Variants in PIK3R6 observed in about 807,000 individuals in gnomAD.
The protein encoded by PIK3R6 is phosphoinositide 3-kinase regulatory subunit 6.
In PIK3R6, 91 loss-of-function variants were observed where a neutral mutation model predicts 84.9. That is an observed-to-expected ratio of 1.07 (90% CI 0.90 to 1.28). PIK3R6 has a LOEUF of 1.28. PIK3R6 is among the 50% of genes most tolerant of loss of function. The probability of loss-of-function intolerance (pLI) is 0.00; values close to 1 mark genes in which losing one functional copy is unlikely to be tolerated. For synonymous variants in PIK3R6, 416 were observed against 411.4 expected, an observed-to-expected ratio of 1.01 and a Z score of -0.13; for missense variants, 996 against 985.1, an observed-to-expected ratio of 1.01 and a Z score of -0.15.
intron 10 of PIK3R6, 85 bp from the exon 11 acceptor site, chr17:8,829,075 A>G: frequency 8.2e-7 from 1 of 1,217,376 alleles, no homozygotes; most frequent in Non-Finnish European, 1.1e-6. Flanking sequence ...TTCAGAGGAT[A>G]CACACACACA....
chr17:8,853,692 A>G (rs558473213), intron 1 of PIK3R6, among the ~76,000 whole-genome samples: 348 of 151,852 alleles, frequency 2.3e-3, no homozygotes, highest in Middle Eastern at 3.4e-3. Flanking sequence ...AGCCAGGCAC[A>G]GTGGCTCACA....
rs890098318 is a variant in PIK3R6, at chr17:8,811,175, G to A, written c.1996-7022C>T. On this transcript the variant is annotated intron_variant, in intron 18 of 19. Transcript: ENST00000619866. The stretch of plus-strand genomic sequence containing the variant: ...TGAAAGCTGCCAAGCCTTAGGGCTC[G>A]CACCCTCTAAAGCCATGGCCCGAGC... Among the ~76,000 whole-genome samples the A allele has an allele frequency of 6.8e-5, 10 of 147,222 alleles. 1 individual carries two copies. The highest frequency in any genetic ancestry group is 2.3e-4 in the African/African-American group (9 of 39,244).
chr17:8,829,546 A>AGACACACT (rs2088139370), intron 10 of PIK3R6, among the ~76,000 whole-genome samples, 160 bp downstream of exon 10: 1 of 149,122 alleles, frequency 6.7e-6, no homozygotes, highest in African/African-American at 2.5e-5. Flanking sequence ...GCATGCACAC[A>AGACACACT]GACACACACT....
At chr17:8,818,032 GA>G (rs1025628728) in intron 18 of PIK3R6, among the ~76,000 whole-genome samples, 17 of 152,130 alleles carry the variant, frequency 1.1e-4, no homozygotes, top group Non-Finnish European at 2.2e-4. Context: ...CAAACAGATA[GA>G]GAAGAGCCTG....
chr17:8,849,996 G>A (rs1458140551), intron 1 of PIK3R6, 111 bp from the exon 2 acceptor site: 3 of 526,668 alleles, frequency 5.7e-6, no homozygotes, highest in East Asian at 6.6e-5. Flanking sequence ...CTGGGGGGAA[G>A]TCTAGATGTA....
intron 1 of PIK3R6, among the ~76,000 whole-genome samples, chr17:8,852,838 A>G (rs904452169): frequency 1.3e-5 from 2 of 152,196 alleles, no homozygotes; most frequent in African/African-American, 2.4e-5. Context: ...CCAGTCATAC[A>G]TAGTTGGTGA....
At chr17:8,806,355 C>T (rs1448370757) in intron 18 of PIK3R6, among the ~76,000 whole-genome samples, 2 of 152,214 alleles carry the variant, frequency 1.3e-5, no homozygotes, top group Non-Finnish European at 2.9e-5. Context: ...CTAGGTGTCT[C>T]TGGCAGGATT....
chr17:8,804,268 G>A, intron 18 of PIK3R6, 115 bp from the exon 19 acceptor site: 2 of 804,216 alleles, frequency 2.5e-6, no homozygotes, highest in Admixed American at 4.2e-5. Flanking sequence ...GGGGTCCCCA[G>A]CTCTCCTCCT....
At chr17:8,860,803 T>G (rs1474044317) in intron 1 of PIK3R6, among the ~76,000 whole-genome samples, 1 of 152,106 alleles carries the variant, frequency 6.6e-6, no homozygotes, top group East Asian at 1.9e-4. Context: ...GTGTCCCTAT[T>G]GAGTTCACAA....
At position 8,803,921 on chromosome 17, in the gene PIK3R6, C is replaced by A. The variant is rs747137799; in HGVS notation, c.2108+120G>T. ...ATCCTCACCAAGGTTACCTGCCTGG[C>A]CACAGGATCTACCTCCGATGAGGTG... is the stretch of plus-strand genomic sequence containing the variant. On this transcript the variant is annotated intron_variant, in intron 19 of 19. Coordinates refer to ENST00000619866, the MANE Select transcript of PIK3R6 (RefSeq NM_001010855.4). The surrounding 1 kb of genome is among the most constrained non-coding windows in gnomAD (Gnocchi z 5.0). The A allele has an allele frequency of 2.3e-6, 2 of 853,894 alleles. No homozygotes were observed. The highest frequency in any genetic ancestry group is 1.6e-5 in the South Asian group (1 of 62,638). 52.9% of individuals were successfully genotyped at this position (853,894 alleles called of 1,614,324 possible).
At position 8,803,104 on chromosome 17, in the gene PIK3R6, C is replaced by A. The variant is rs1009709011; in HGVS notation, c.*169G>T. ...TCCGTAGACCTCCATGTGGGCCCTT[C>A]CTCATCACAGTCCCCAGGGTAGGCT... is the stretch of plus-strand genomic sequence containing the variant. On this transcript the variant is annotated 3_prime_UTR_variant, in exon 20 of 20. Coordinates refer to ENST00000619866, the MANE Select transcript of PIK3R6 (RefSeq NM_001010855.4). The surrounding 1 kb of genome is among the most constrained non-coding windows in gnomAD (Gnocchi z 5.0). 4 of 772,638 alleles carry A rather than the reference C, an allele frequency of 5.2e-6. No homozygotes were observed. In the Admixed American group the frequency reaches 1.2e-4, roughly 23 times the overall value. 47.9% of individuals were successfully genotyped at this position (772,638 alleles called of 1,614,324 possible). A position where few individuals can be genotyped will look rare whatever the true frequency, so the allele number is the denominator to read the frequency against.
At chr17:8,814,191 C>T (rs1309292066) in intron 18 of PIK3R6, among the ~76,000 whole-genome samples, 1 of 141,368 alleles carries the variant, frequency 7.1e-6, no homozygotes, top group African/African-American at 2.6e-5. Context: ...TTTTAGTGCT[C>T]CACTCTTTAG....
chr17:8,858,100 C>A (rs2089185969), intron 1 of PIK3R6, among the ~76,000 whole-genome samples: 1 of 152,134 alleles, frequency 6.6e-6, no homozygotes, highest in Admixed American at 6.5e-5. Context: ...GATTTCCTGT[C>A]CTTTGGGGCT....
chr17:8,810,037 T>C (rs889041376), intron 18 of PIK3R6, among the ~76,000 whole-genome samples: 1 of 151,926 alleles, frequency 6.6e-6, no homozygotes. Flanking sequence ...AGCCACTGTA[T>C]TAATCCATTT....
rs182459662 is a variant in PIK3R6, at chr17:8,822,905, G to A, written c.1717+91C>T. The A allele has an allele frequency of 1.2e-4, 136 of 1,127,320 alleles. No individual in the cohort carries two copies. In the Admixed American group the frequency reaches 1.7e-3, roughly 14 times the overall value. 69.8% of individuals were successfully genotyped at this position (1,127,320 alleles called of 1,614,324 possible). Reference sequence around the variant, plus strand: ...AGGGACAAGCACTGAGGGTGTGGGCGTGCAGGCATCATCAGGTGAGAGGTG... The same window carrying A: ...AGGGACAAGCACTGAGGGTGTGGGCATGCAGGCATCATCAGGTGAGAGGTG... On this transcript the variant is annotated intron_variant, in intron 15 of 19. Transcript: ENST00000619866.
intron 1 of PIK3R6, among the ~76,000 whole-genome samples, chr17:8,858,685 G>A (rs941146028): frequency 2.6e-5 from 4 of 152,100 alleles, no homozygotes; most frequent in Admixed American, 2.6e-4. Flanking sequence ...GATGGCAGGA[G>A]CTATCAGTAG....
rs564065008 is a variant in PIK3R6, at chr17:8,851,495, CCAAAA to C, written c.-91-1615_-91-1611del. Among the ~76,000 whole-genome samples, 75 of 152,052 alleles carry C rather than the reference CCAAAA, an allele frequency of 4.9e-4. No homozygotes were observed. The East Asian group carries it at 0.013, about 26-fold the overall frequency. ...CTGGGCGACAGAGTGAGACTCCGTC[CCAAAA>C]CAAAACAAAACAAAACAAACCAACC... On this transcript the variant is annotated intron_variant, in intron 1 of 19. Coordinates refer to ENST00000619866, the MANE Select transcript of PIK3R6 (RefSeq NM_001010855.4).
At chr17:8,832,747 T>TGCCCCCAGTCC in intron 9 of PIK3R6, 142 bp downstream of exon 9, 1 of 1,275,542 alleles carries the variant, frequency 7.8e-7, no homozygotes, top group Non-Finnish European at 1.1e-6. Flanking sequence ...ACCCCCAGGC[T>TGCCCCCAGTCC]GCCCCCAGTC....
At position 8,803,209 on chromosome 17, in the gene PIK3R6, G is replaced by T. The variant is rs1366438943; in HGVS notation, c.*64C>A. 6.3e-7 allele frequency: 1 copy of T among 1,595,962 alleles called. No individual in the cohort carries two copies. The highest frequency in any genetic ancestry group is 1.3e-5 in the African/African-American group (1 of 74,404). On this transcript the variant is annotated 3_prime_UTR_variant, in exon 20 of 20. Transcript: ENST00000619866. This position sits in a 1 kb window ranked among gnomAD's most constrained non-coding sequence, Gnocchi z 5.0. ...GAGCCGGGCCTTGCTCTGGCTGTTGGTGTGAGTGTTTGGAGTTGGTGGGGT... is the reference window on the plus strand; with the variant it reads ...GAGCCGGGCCTTGCTCTGGCTGTTGTTGTGAGTGTTTGGAGTTGGTGGGGT...
Sources: allele counts gnomAD v4.1 joint callset (sites outside exome capture counted in the v4.1 genomes callset), GRCh38; gene constraint gnomAD v4.1.1; non-coding constraint Gnocchi (gnomAD v3.1); transcripts MANE v1.5; gene names NCBI Gene and HGNC (gene_info 2026-07-23, HGNC 2026-07-21).